FCHO2: variants seen among roughly 807,000 people sequenced by gnomAD.
The protein encoded by FCHO2 is FCH and mu domain containing endocytic adaptor 2.
A neutral mutation model predicts 114.1 loss-of-function variants in FCHO2; 43 were observed. The ratio of observed to expected loss-of-function variants is 0.38; its 90% CI spans 0.30 to 0.49. The LOEUF (loss-of-function observed/expected upper bound fraction) is 0.49, where lower values mean the gene tolerates loss of function less well. Ranked by LOEUF, FCHO2 falls within the 20% of genes least tolerant of loss-of-function variation. The pLI is 0.97. For missense variants in FCHO2, 807 were observed against 950.4 expected, an observed-to-expected ratio of 0.85 and a Z score of 1.98; for synonymous variants, 293 against 315.2, an observed-to-expected ratio of 0.93 and a Z score of 0.75.
chr5:73,053,490 T>C (rs911370328), intron 13 of FCHO2, among the ~76,000 whole-genome samples: 5 of 152,156 alleles, frequency 3.3e-5, no homozygotes, highest in South Asian at 2.1e-4. Flanking sequence ...GGTCAGGAGA[T>C]GGAGACCATC....
In FCHO2 at chr5:73,089,094, G is replaced by C. The variant is rs1743403200; in HGVS notation, c.*1004G>C. ...GGTGATACACTGTAGCCACTAGAAA[G>C]AGAAATAAACCCAATGGCATGTGTT... On this transcript the variant is annotated 3_prime_UTR_variant, in exon 26 of 26. Coordinates refer to ENST00000430046, the MANE Select transcript of FCHO2 (RefSeq NM_138782.3). 1 of 152,496 alleles carries C rather than the reference G, an allele frequency of 6.6e-6. No homozygotes were observed. Among genetic ancestry groups the C allele is most frequent in the South Asian group, 2.1e-4 (1 of 4,836 alleles). The allele number at this position is 152,496 out of a possible 1,614,324, so 9.4% of individuals were successfully genotyped here.
chr5:73,009,376 C>T (rs258893), intron 6 of FCHO2, among the ~76,000 whole-genome samples: 69,988 of 152,102 alleles, frequency 0.46, 18,022 homozygotes, highest in African/African-American at 0.7. Flanking sequence ...TTGGAATAAA[C>T]AGAGTTTGCT....
At chr5:73,085,504 G>T (rs1453169445) in intron 24 of FCHO2, among the ~76,000 whole-genome samples, 1 of 152,030 alleles carries the variant, frequency 6.6e-6, no homozygotes, top group African/African-American at 2.4e-5. Context: ...GCCAGGCATG[G>T]TGGCTCATTC....
chr5:72,985,107 C>T (rs1259781114), intron 2 of FCHO2, among the ~76,000 whole-genome samples: 1 of 152,088 alleles, frequency 6.6e-6, no homozygotes, highest in Non-Finnish European at 1.5e-5. Context: ...CTTCCTTTAT[C>T]CCTGAATTTC....
intron 13 of FCHO2, 48 bp from the exon 14 acceptor site, chr5:73,054,112 G>T: frequency 7.4e-7 from 1 of 1,351,680 alleles, no homozygotes; most frequent in Non-Finnish European, 1.0e-6. Context: ...CAAAAATACA[G>T]TATTCAGAAT....
At chr5:73,036,214 G>A (rs538984870) in intron 9 of FCHO2, among the ~76,000 whole-genome samples, 1 of 152,228 alleles carries the variant, frequency 6.6e-6, no homozygotes, top group African/African-American at 2.4e-5. Context: ...CATGAAAGAA[G>A]AGGATGCCTT....
At chr5:72,992,108 C>T (rs1302163820) in intron 5 of FCHO2, among the ~76,000 whole-genome samples, 4 of 151,888 alleles carry the variant, frequency 2.6e-5, no homozygotes, top group African/African-American at 9.7e-5. Context: ...TATGACTATA[C>T]ATGGGCAAAA....
intron 1 of FCHO2, among the ~76,000 whole-genome samples, chr5:72,967,244 G>A (rs888500603): frequency 2.6e-5 from 4 of 152,158 alleles, no homozygotes; most frequent in African/African-American, 4.8e-5. Context: ...ATAATTGCAC[G>A]TCTGCACTCC....
At chr5:73,087,817 A>T (rs1486190538) in intron 25 of FCHO2, 64 bp downstream of exon 25, 10 of 1,511,622 alleles carry the variant, frequency 6.6e-6, no homozygotes, top group African/African-American at 1.4e-5. Context: ...AACAGTTATT[A>T]AAAAACTGTC....
chr5:72,998,568 G>C (rs1171914169), intron 5 of FCHO2, among the ~76,000 whole-genome samples: 2 of 151,916 alleles, frequency 1.3e-5, no homozygotes, highest in Admixed American at 1.3e-4. Flanking sequence ...CAGTGAATTG[G>C]TATGGGTTTC....
At chr5:72,973,689 T>C (rs954458674) in intron 2 of FCHO2, among the ~76,000 whole-genome samples, 8 of 150,484 alleles carry the variant, frequency 5.3e-5, no homozygotes, top group Non-Finnish European at 7.4e-5. Context: ...GGGTTTTTTG[T>C]GTCTCTATTT....
chr5:73,024,385 T>C (rs1755802160), intron 8 of FCHO2, among the ~76,000 whole-genome samples: 2 of 151,538 alleles, frequency 1.3e-5, no homozygotes, highest in African/African-American at 4.9e-5. Flanking sequence ...TTGTCTGTGG[T>C]GTAGTGCAGT....
chr5:73,039,943 GAAA>G (rs1187248259), intron 10 of FCHO2, among the ~76,000 whole-genome samples: 1 of 117,796 alleles, frequency 8.5e-6, no homozygotes, highest in South Asian at 2.9e-4. Context: ...GAGAAAAAAA[GAAA>G]AAAAAAAAAA....
chr5:73,059,815 ATATAT>A (rs1390267308), intron 17 of FCHO2, among the ~76,000 whole-genome samples: 3 of 151,934 alleles, frequency 2.0e-5, no homozygotes, highest in African/African-American at 7.2e-5. Flanking sequence ...TTAACCATAT[ATATAT>A]TATATGAAGA....
intron 16 of FCHO2, among the ~76,000 whole-genome samples, chr5:73,056,444 C>T (rs974887851): frequency 6.6e-6 from 1 of 152,216 alleles, no homozygotes; most frequent in Admixed American, 6.5e-5. Context: ...TCCACCTTCT[C>T]ATCCCTTCTT....
At chr5:73,001,133 A>G (rs192921246) in intron 5 of FCHO2, among the ~76,000 whole-genome samples, 7 of 152,222 alleles carry the variant, frequency 4.6e-5, no homozygotes, top group Admixed American at 1.3e-4. Context: ...ATGGTGGCTC[A>G]TGCCTGTAAT....
At chr5:73,004,246 G>T (rs1341343136) in intron 5 of FCHO2, among the ~76,000 whole-genome samples, 1 of 151,938 alleles carries the variant, frequency 6.6e-6, no homozygotes, top group African/African-American at 2.4e-5. Flanking sequence ...GGTTATCTGG[G>T]TTTCTTGCGA....
intron 6 of FCHO2, among the ~76,000 whole-genome samples, chr5:73,009,941 T>C (rs1754916729): frequency 6.6e-6 from 1 of 152,244 alleles, no homozygotes; most frequent in African/African-American, 2.4e-5. Flanking sequence ...GTGTATTTGT[T>C]CTTTCTCAAG....
At chr5:72,963,721 A>G in intron 1 of FCHO2, among the ~76,000 whole-genome samples, 1 of 151,506 alleles carries the variant, frequency 6.6e-6, no homozygotes, top group East Asian at 1.9e-4. Context: ...GCTAATTTTT[A>G]AAAAAAATTT....
Sources: allele counts gnomAD v4.1 joint callset (sites outside exome capture counted in the v4.1 genomes callset), GRCh38; gene constraint gnomAD v4.1.1; transcripts MANE v1.5; gene names NCBI Gene and HGNC (gene_info 2026-07-23, HGNC 2026-07-21).